Variants in FMNL2 observed in about 807,000 individuals in gnomAD.
The protein encoded by FMNL2 is formin-like protein 2.
Under a neutral mutation model 130.2 loss-of-function variants are expected in FMNL2, and 51 were observed. The ratio of observed to expected loss-of-function variants is 0.39; its 90% CI spans 0.31 to 0.49. The LOEUF is 0.49. Among genes scored for constraint, FMNL2 ranks in the 20% least tolerant of loss-of-function variants. The pLI, the probability that FMNL2 is intolerant of heterozygous loss-of-function variation, is 0.85. For synonymous variants in FMNL2, 465 were observed against 467.1 expected (o/e 1.00, Z 0.06); for missense variants, 977 against 1,316.2 (o/e 0.74, Z 3.99).
At chr2:152,425,452 A>C (rs968607208) in intron 1 of FMNL2, among the ~76,000 whole-genome samples, 5 of 152,220 alleles carry the variant, frequency 3.3e-5, no homozygotes, top group Admixed American at 3.3e-4. Context: ...CAGTTATAGA[A>C]ACTTGTTTAT....
chr2:152,533,659 G>A (rs1020492032), intron 2 of FMNL2, among the ~76,000 whole-genome samples: 3 of 151,132 alleles, frequency 2.0e-5, no homozygotes, highest in Non-Finnish European at 4.4e-5. Flanking sequence ...AACCTTCCAG[G>A]AGTTTGGCAG....
intron 1 of FMNL2, among the ~76,000 whole-genome samples, chr2:152,504,599 G>A (rs1692050510): frequency 6.6e-6 from 1 of 152,026 alleles, no homozygotes. Context: ...GCATCTCATT[G>A]TGTGTGTGTG....
chr2:152,635,707 G>A (rs1016809348), intron 21 of FMNL2, among the ~76,000 whole-genome samples: 2 of 152,194 alleles, frequency 1.3e-5, no homozygotes, highest in Non-Finnish European at 2.9e-5. Flanking sequence ...AGGAGGCTGT[G>A]GGGGAGTGCC....
At chr2:152,350,022 G>C (rs76208382) in intron 1 of FMNL2, among the ~76,000 whole-genome samples, 8,249 of 152,210 alleles carry the variant, frequency 0.054, 409 homozygotes, top group African/African-American at 0.12. Context: ...AGGGCGTAGA[G>C]GGGGAAGCCA....
At chr2:152,593,608 A>G (rs1420526184) in intron 9 of FMNL2, among the ~76,000 whole-genome samples, 1 of 152,206 alleles carries the variant, frequency 6.6e-6, no homozygotes, top group Non-Finnish European at 1.5e-5. Context: ...GAATATGAGA[A>G]TGGACACGAG....
At chr2:152,517,396 C>T (rs1010804109) in intron 1 of FMNL2, among the ~76,000 whole-genome samples, 3 of 152,190 alleles carry the variant, frequency 2.0e-5, no homozygotes, top group South Asian at 2.1e-4. Flanking sequence ...CTGTGCCATA[C>T]GTTGATGGTT....
chr2:152,453,773 G>A (rs552601286), intron 1 of FMNL2, among the ~76,000 whole-genome samples: 2 of 152,328 alleles, frequency 1.3e-5, no homozygotes, highest in African/African-American at 4.8e-5. Flanking sequence ...AGCAGAGAGT[G>A]AAAAGGGAGA....
intron 2 of FMNL2, among the ~76,000 whole-genome samples, chr2:152,537,593 A>C (rs549017156): frequency 7.9e-5 from 12 of 152,268 alleles, no homozygotes; most frequent in South Asian, 6.2e-4. Flanking sequence ...CTCTTTGTTT[A>C]CTTTTACATT....
chr2:152,556,119 A>G (rs1219429390), intron 4 of FMNL2, among the ~76,000 whole-genome samples: 2 of 152,200 alleles, frequency 1.3e-5, no homozygotes, highest in Non-Finnish European at 2.9e-5. Context: ...TTCCAAGTCA[A>G]GAAGGGGTAG....
At chr2:152,386,613 CT>C (rs1377766035) in intron 1 of FMNL2, among the ~76,000 whole-genome samples, 1 of 152,112 alleles carries the variant, frequency 6.6e-6, no homozygotes, top group Non-Finnish European at 1.5e-5. Flanking sequence ...TTATATGTGT[CT>C]ATCTGTTTTC....
At chr2:152,470,326 G>A (rs891518064) in intron 1 of FMNL2, among the ~76,000 whole-genome samples, 5 of 152,144 alleles carry the variant, frequency 3.3e-5, no homozygotes, top group African/African-American at 1.2e-4. Flanking sequence ...TTAGCACAGG[G>A]CCTGTTCTCT....
At chr2:152,511,018 A>G (rs571405477) in intron 1 of FMNL2, among the ~76,000 whole-genome samples, 25 of 152,332 alleles carry the variant, frequency 1.6e-4, no homozygotes, top group African/African-American at 4.8e-4. Flanking sequence ...TTAGGACATC[A>G]TAACTTCAGG....
intron 1 of FMNL2, among the ~76,000 whole-genome samples, chr2:152,476,383 G>C (rs1434359612): frequency 6.6e-6 from 1 of 152,172 alleles, no homozygotes; most frequent in Non-Finnish European, 1.5e-5. Context: ...CCAACATTTT[G>C]TAGAAGGCTG....
At chr2:152,349,412 A>C (rs1016639585) in intron 1 of FMNL2, among the ~76,000 whole-genome samples, 1 of 152,164 alleles carries the variant, frequency 6.6e-6, no homozygotes, top group African/African-American at 2.4e-5. Context: ...CGTGGCCACT[A>C]CCCAATCCTG....
chr2:152,579,961 AATT>A (rs1696689945), intron 8 of FMNL2, among the ~76,000 whole-genome samples: 2 of 152,332 alleles, frequency 1.3e-5, no homozygotes, highest in South Asian at 4.1e-4. Context: ...TCTGTTTATA[AATT>A]AGCCATTTCT....
At chr2:152,551,708 T>G (rs1694944280) in intron 4 of FMNL2, among the ~76,000 whole-genome samples, 1 of 152,226 alleles carries the variant, frequency 6.6e-6, no homozygotes, top group South Asian at 2.1e-4. Flanking sequence ...TTGTACTGTT[T>G]AAAATACTGT....
At chr2:152,522,112 T>C (rs900177481) in intron 2 of FMNL2, 86 bp downstream of exon 2, 1 of 1,099,510 alleles carries the variant, frequency 9.1e-7, no homozygotes, top group African/African-American at 1.6e-5. Flanking sequence ...AATATCATGA[T>C]TGAAAAACAA....
intron 6 of FMNL2, among the ~76,000 whole-genome samples, chr2:152,569,111 CTTTT>C (rs34246751): frequency 4.5e-5 from 6 of 133,392 alleles, no homozygotes; most frequent in Non-Finnish European, 4.8e-5. Context: ...CCGCCCCAAT[CTTTT>C]TTTTTTTTTT....
chr2:152,640,750 G>A (rs1259726239), intron 24 of FMNL2, 41 bp from the exon 25 acceptor site: 1 of 1,598,648 alleles, frequency 6.3e-7, no homozygotes, highest in Non-Finnish European at 8.5e-7. Flanking sequence ...AACTCCTAAT[G>A]GGTGCTGGCC....
Sources: gnomAD v4.1 joint callset for allele counts (sites outside exome capture counted in the v4.1 genomes callset) on GRCh38, gnomAD v4.1.1 for gene constraint, MANE v1.5 for transcripts, NCBI Gene and HGNC (gene_info 2026-07-23, HGNC 2026-07-21) for gene names.